Variants in GRM4 observed in about 807,000 individuals in gnomAD.
The protein encoded by GRM4 is glutamate metabotropic receptor 4, also known as metabotropic glutamate receptor 4.
Under a neutral mutation model 81.7 loss-of-function variants are expected in GRM4, and 28 were observed. The ratio of observed to expected loss-of-function variants is 0.34; its 90% CI spans 0.25 to 0.47. The LOEUF (loss-of-function observed/expected upper bound fraction) is 0.47, where lower values mean the gene tolerates loss of function less well. GRM4 is among the 20% of genes least tolerant of loss of function. GRM4 has a pLI of 1.00. For synonymous variants in GRM4, 488 were observed against 528.8 expected (o/e 0.92, Z 1.06); for missense variants, 948 against 1,290.0 (o/e 0.73, Z 4.06).
intron 3 of GRM4, among the ~76,000 whole-genome samples, chr6:34,077,416 G>A (rs1313799230): frequency 6.6e-6 from 1 of 152,070 alleles, no homozygotes; most frequent in Middle Eastern, 3.4e-3. Context: ...AATTCACGGC[G>A]CACCTCCACT....
At chr6:34,025,651 T>A (rs565864727) in intron 10 of GRM4, among the ~76,000 whole-genome samples, 1 of 152,208 alleles carries the variant, frequency 6.6e-6, no homozygotes, top group Admixed American at 6.5e-5. Context: ...AGGGCCCCCA[T>A]GAGCTAACAG....
intron 2 of GRM4, among the ~76,000 whole-genome samples, chr6:34,122,910 G>A (rs566797953): frequency 2.0e-5 from 3 of 152,312 alleles, no homozygotes; most frequent in South Asian, 2.1e-4. Flanking sequence ...TGCTGGATTC[G>A]AGTCAGTATG....
intron 4 of GRM4, chr6:34,061,272 TGA>T (rs1294672887): frequency 6.6e-6 from 1 of 152,172 alleles, no homozygotes; most frequent in Non-Finnish European, 1.5e-5. Context: ...TGGGGCTCCG[TGA>T]GGACAGAGCT....
rs113979596 is a variant in GRM4 at position 34,074,132 on chromosome 6, A to C, written c.737-12104T>G. Among the ~76,000 whole-genome samples, 12,475 of 151,368 alleles carry C rather than the reference A, an allele frequency of 0.082. 1,092 individuals are homozygous for C. The highest frequency in any genetic ancestry group is 0.21 in the African/African-American group (8,740 of 41,286). ...TCGAGGTGCAGGGGCGCCGATGGGG[A>C]AGAAGAGGGGGACACAGACATACGA... On this transcript the variant is annotated intron_variant, in intron 3 of 10. Transcript: ENST00000538487. The surrounding 1 kb of genome is among the most constrained non-coding windows in gnomAD (Gnocchi z 4.9).
chr6:34,155,174 C>G lies in GRM4; in HGVS notation c.217G>C (p.Ala73Pro), dbSNP rs1323949709. 9.8e-6 allele frequency: 15 copies of G among 1,535,294 alleles called. No individual in the cohort carries two copies. In the Admixed American group the frequency reaches 2.7e-4, roughly 28 times the overall value. The stretch of plus-strand genomic sequence containing the variant: ...GCCGCCCCCTCGGATTCGTGCGCGG[C>G]CAGGCTCACCTGCTCTCCTGGCAGG... The change falls in exon 1 of 9, where the codon GCC (alanine) becomes CCC (proline). Residue 73 changes from alanine to proline, a missense_variant. By Grantham distance (27) the Ala-to-Pro change is conservative. Coordinates refer to the GRM4 transcript ENST00000374177.
At chr6:34,027,024 A>T (rs1015026204) in intron 10 of GRM4, among the ~76,000 whole-genome samples, 2 of 152,196 alleles carry the variant, frequency 1.3e-5, no homozygotes, top group African/African-American at 4.8e-5. Context: ...ATCCAGGTAG[A>T]CATGAAAGGC....
rs150108208 is a variant in GRM4 at position 34,070,497 on chromosome 6, G to A, written c.737-8469C>T. ...TCAGTTGATAGTTTAAACTCCACCC[G>A]ATAGGGCTAGTGTGAGGGCCCAGTG... is the stretch of plus-strand genomic sequence containing the variant. On this transcript the variant is annotated intron_variant, in intron 3 of 10. Transcript: ENST00000538487. This position sits in a 1 kb window ranked among gnomAD's most constrained non-coding sequence, Gnocchi z 4.6. Among the ~76,000 whole-genome samples the A allele has an allele frequency of 2.8e-3, 420 of 152,160 alleles. 1 individual carries two copies. The highest frequency in any genetic ancestry group is 0.02 in the Middle Eastern group (6 of 294).
At chr6:34,100,959 C>T (rs373909276) in intron 2 of GRM4, among the ~76,000 whole-genome samples, 4 of 152,326 alleles carry the variant, frequency 2.6e-5, no homozygotes, top group South Asian at 2.1e-4. Context: ...GTTAAGCTGA[C>T]GCTATTTTAA....
chr6:34,045,973 C>G lies in GRM4; in HGVS notation c.1169-5225G>C, dbSNP rs551595394. Among the ~76,000 whole-genome samples, 9 of 152,270 alleles carry G rather than the reference C, an allele frequency of 5.9e-5. No individual in the cohort carries two copies. The South Asian group carries it at 1.7e-3, about 28-fold the overall frequency. ...GGGAGGATTTTCTCTGTCAAAACCC[C>G]GAAGCGTGGTTACTACGGCGACTGC... is the stretch of plus-strand genomic sequence containing the variant. On this transcript the variant is annotated intron_variant, in intron 6 of 10. Transcript: ENST00000538487.
In GRM4 at chr6:34,068,261, G is replaced by C. The variant is rs958729108; in HGVS notation, c.737-6233C>G. ...AGGCAGAGGCTGGATCTGAACTCGGGTCTGACTATTCTCTAGGAGCTGCTG... is the reference window on the plus strand; with the variant it reads ...AGGCAGAGGCTGGATCTGAACTCGGCTCTGACTATTCTCTAGGAGCTGCTG... On this transcript the variant is annotated intron_variant, in intron 3 of 10. Transcript: ENST00000538487. This position sits in a 1 kb window ranked among gnomAD's most constrained non-coding sequence, Gnocchi z 4.2. Among the ~76,000 whole-genome samples the C allele has an allele frequency of 6.6e-6, 1 of 152,156 alleles. No individual in the cohort carries two copies. Among genetic ancestry groups the C allele is most frequent in the East Asian group, 1.9e-4 (1 of 5,194 alleles).
chr6:34,025,513 C>T lies in GRM4; in HGVS notation c.2689+2607G>A, dbSNP rs1022885852. Among the ~76,000 whole-genome samples, 7 of 152,144 alleles carry T rather than the reference C, an allele frequency of 4.6e-5. No homozygotes were observed. In the East Asian group the frequency reaches 1.3e-3, roughly 29 times the overall value. ...AGTGTAGAGAGGAAGGACCACAGGGCCTCTGCTCTCCTCTAATGCCCTACC... is the reference window on the plus strand; with the variant it reads ...AGTGTAGAGAGGAAGGACCACAGGGTCTCTGCTCTCCTCTAATGCCCTACC... On this transcript the variant is annotated intron_variant, in intron 10 of 10. Coordinates refer to ENST00000538487, the MANE Select transcript of GRM4 (RefSeq NM_000841.4).
At chr6:34,151,692 C>T (rs897467176) in intron 1 of GRM4, among the ~76,000 whole-genome samples, 2 of 150,794 alleles carry the variant, frequency 1.3e-5, no homozygotes, top group African/African-American at 4.9e-5. Context: ...CAACCTGGAG[C>T]GCTGCCCACC....
chr6:34,098,177 G>T (rs1431567908), intron 2 of GRM4, among the ~76,000 whole-genome samples: 2 of 152,220 alleles, frequency 1.3e-5, no homozygotes, highest in Non-Finnish European at 1.5e-5. Flanking sequence ...AACAAGCCAG[G>T]TGCATGGGGG....
In GRM4 at chr6:34,059,048, A is replaced by T. The variant is rs773216737; in HGVS notation, c.953T>A (p.Ile318Asn). Residue 318 changes from isoleucine (I) to asparagine (N), a missense_variant, in exon 5 of 11, where the codon ATT (isoleucine) becomes AAT (asparagine). Ile to Asn is a moderately radical substitution (Grantham distance 149). Transcript: ENST00000538487. The surrounding 1 kb of genome is among the most constrained non-coding windows in gnomAD (Gnocchi z 5.7). The part of the protein sequence containing the change: ...WMGSDSWGSK[I>N]APVLHLEEVA... ...CTCCTCCAGGTGCAGCACAGGTGCA[A>T]TCTTGGAGCCCCAGCTGTCAGAGCC... The T allele has an allele frequency of 2.5e-6, 4 of 1,613,736 alleles. No individual in the cohort carries two copies. The African/African-American group carries it at 5.3e-5, about 22-fold the overall frequency.
rs1339697447 is a variant in GRM4, at chr6:34,074,315, G to A, written c.737-12287C>T. On this transcript the variant is annotated intron_variant, in intron 3 of 10. Transcript: ENST00000538487. The surrounding 1 kb of genome is among the most constrained non-coding windows in gnomAD (Gnocchi z 4.9). ...ATGGGATGGTATGAACCCTGTCCCCGAGACATAGCAGGGTTGCGGTGAGGA... is the reference window on the plus strand; with the variant it reads ...ATGGGATGGTATGAACCCTGTCCCCAAGACATAGCAGGGTTGCGGTGAGGA... 2.0e-5 allele frequency among the ~76,000 whole-genome samples: 3 copies of A among 152,248 alleles called. No individual in the cohort carries two copies. The highest frequency in any genetic ancestry group is 7.2e-5 in the African/African-American group (3 of 41,468).
chr6:34,065,284 C>G (rs1561785200), intron 3 of GRM4, among the ~76,000 whole-genome samples: 1 of 152,126 alleles, frequency 6.6e-6, no homozygotes, highest in Admixed American at 6.5e-5. Flanking sequence ...CCCTGGGCCA[C>G]ACGACTAACA....
chr6:34,066,812 G>T (rs1766490195), intron 3 of GRM4, among the ~76,000 whole-genome samples: 1 of 152,084 alleles, frequency 6.6e-6, no homozygotes, highest in African/African-American at 2.4e-5. Flanking sequence ...CAGAACCCCA[G>T]CTGGACAAAA....
At chr6:34,109,220 C>T (rs970040283) in intron 2 of GRM4, among the ~76,000 whole-genome samples, 1 of 152,222 alleles carries the variant, frequency 6.6e-6, no homozygotes, top group Non-Finnish European at 1.5e-5. Flanking sequence ...GCAGGAGATG[C>T]CCGCTGGCTC....
chr6:34,076,284 GC>G (rs1335433310), intron 3 of GRM4, among the ~76,000 whole-genome samples: 2 of 141,986 alleles, frequency 1.4e-5, no homozygotes, highest in Non-Finnish European at 3.1e-5. Flanking sequence ...CCACCCCACC[GC>G]CACAAGTAGG....
Sources: allele counts gnomAD v4.1 joint callset (sites outside exome capture counted in the v4.1 genomes callset), GRCh38; gene constraint gnomAD v4.1.1; non-coding constraint Gnocchi (gnomAD v3.1); transcripts MANE v1.5; gene names NCBI Gene and HGNC (gene_info 2026-07-23, HGNC 2026-07-21).